Variants in ETS1 observed in about 807,000 individuals in gnomAD.
The protein encoded by ETS1 is ETS proto-oncogene 1, transcription factor, also known as protein C-ets-1.
A neutral mutation model predicts 58.6 loss-of-function variants in ETS1; 15 were observed. The ratio of observed to expected loss-of-function variants is 0.26; its 90% confidence interval spans 0.17 to 0.39. The LOEUF is 0.39. ETS1 is among the 10% of genes least tolerant of loss of function. The probability of loss-of-function intolerance (pLI) is 1.00; values close to 1 mark genes in which losing one functional copy is unlikely to be tolerated. For synonymous variants in ETS1, 214 were observed against 218.2 expected (o/e 0.98, Z 0.17); for missense variants, 417 against 610.5 (o/e 0.68, Z 3.34).
At chr11:128,494,622 A>G (rs1337345617) in intron 3 of ETS1, among the ~76,000 whole-genome samples, 1 of 152,230 alleles carries the variant, frequency 6.6e-6, no homozygotes, top group Non-Finnish European at 1.5e-5. Context: ...TCAGTTTCCA[A>G]GAACCTTCCA....
intron 3 of ETS1, among the ~76,000 whole-genome samples, chr11:128,496,394 G>C (rs1466991328): frequency 2.0e-5 from 3 of 152,036 alleles, no homozygotes; most frequent in African/African-American, 7.2e-5. Context: ...ACTTACAACT[G>C]TAACTAAAGT....
intron 2 of ETS1, among the ~76,000 whole-genome samples, chr11:128,558,210 G>A (rs770121138): frequency 6.6e-6 from 1 of 152,220 alleles, no homozygotes; most frequent in South Asian, 2.1e-4. Context: ...TGCATCGAAG[G>A]CTAACATCCT....
intron 2 of ETS1, among the ~76,000 whole-genome samples, chr11:128,562,491 C>T (rs1473751391): frequency 6.6e-6 from 1 of 152,174 alleles, no homozygotes; most frequent in African/African-American, 2.4e-5. Context: ...GGAAAACACA[C>T]ACCTCTTCTC....
chr11:128,574,711 G>A (rs1864707159), intron 1 of ETS1, among the ~76,000 whole-genome samples: 1 of 152,130 alleles, frequency 6.6e-6, no homozygotes, highest in Non-Finnish European at 1.5e-5. Context: ...TGAGCTCCAT[G>A]GCTCCTTTCC....
intron 3 of ETS1, among the ~76,000 whole-genome samples, chr11:128,500,752 G>GC (rs1863066736): frequency 6.6e-6 from 1 of 152,122 alleles, no homozygotes; most frequent in South Asian, 2.1e-4. Context: ...AATATTGGCA[G>GC]CCACAGGCAC....
At chr11:128,516,802 T>G (rs979367803) in intron 3 of ETS1, among the ~76,000 whole-genome samples, 4 of 152,220 alleles carry the variant, frequency 2.6e-5, no homozygotes, top group Non-Finnish European at 4.4e-5. Flanking sequence ...ATGGCCTCTC[T>G]GCAAGCAGGA....
At chr11:128,555,250 C>T (rs1864294945) in intron 3 of ETS1, among the ~76,000 whole-genome samples, 1 of 152,154 alleles carries the variant, frequency 6.6e-6, no homozygotes, top group African/African-American at 2.4e-5. Flanking sequence ...TCTGTTTATT[C>T]CTGATGAGCA....
At chr11:128,527,294 C>A in intron 3 of ETS1, 1 of 193,560 alleles carries the variant, frequency 5.2e-6, no homozygotes, top group South Asian at 7.5e-5. Flanking sequence ...CATTCAACTG[C>A]ATCTGCAGCC....
Position 128,480,608 on chromosome 11 carries a change from T to C in ETS1, c.863-157A>G, listed in dbSNP as rs570927949. Among the ~76,000 whole-genome samples the C allele has an allele frequency of 9.2e-5, 14 of 151,400 alleles. No homozygotes were observed. In the South Asian group the frequency reaches 3.0e-3, roughly 32 times the overall value. ...CGAGTGGGAACAGAAGCTTCAGGGG[T>C]CATGGGTTTACTCTGAGGAAAGGGG... is the stretch of plus-strand genomic sequence containing the variant. On this transcript the variant is annotated intron_variant, in intron 7 of 9. Transcript: ENST00000392668.
rs116796916 is a variant in ETS1, at chr11:128,501,135, C to T, written c.215-10559G>A. ...CACTTCCGTCCAGGTTTCCAAACTC[C>T]GTGGTTCCTTCAACCATTCATGTTG... is the stretch of plus-strand genomic sequence containing the variant. On this transcript the variant is annotated intron_variant, in intron 3 of 9. Coordinates refer to ENST00000392668, the MANE Select transcript of ETS1 (RefSeq NM_001143820.2). Among the ~76,000 whole-genome samples, 549 of 152,260 alleles carry T rather than the reference C, an allele frequency of 3.6e-3. 2 individuals are homozygous for T. The highest frequency in any genetic ancestry group is 0.012 in the African/African-American group (510 of 41,538).
chr11:128,463,005 T>C lies in ETS1; in HGVS notation c.1243-429A>G, dbSNP rs1861943154. Among the ~76,000 whole-genome samples the C allele has an allele frequency of 6.6e-6, 1 of 152,248 alleles. No individual in the cohort carries two copies. The highest frequency in any genetic ancestry group is 1.5e-5 in the Non-Finnish European group (1 of 68,042). ...CTTTCATCAACAGGAAGTGTTTTTT[T>C]TCCATACCAGGGCACAAATATTTTC... On this transcript the variant is annotated intron_variant, in intron 9 of 9. Transcript: ENST00000392668. This position sits in a 1 kb window ranked among gnomAD's most constrained non-coding sequence, Gnocchi z 4.1.
chr11:128,502,859 C>A (rs1406051869), intron 3 of ETS1, among the ~76,000 whole-genome samples: 1 of 152,202 alleles, frequency 6.6e-6, no homozygotes, highest in Admixed American at 6.5e-5. Context: ...GAGGGAGGCA[C>A]AGGCCGTGAG....
intron 3 of ETS1, among the ~76,000 whole-genome samples, chr11:128,545,570 C>T (rs1309237062): frequency 2.0e-5 from 3 of 152,188 alleles, no homozygotes; most frequent in South Asian, 2.1e-4. Context: ...GTGCAATCCT[C>T]GGCATACAGA....
intron 1 of ETS1, among the ~76,000 whole-genome samples, chr11:128,585,016 GAAA>G (rs1565420956): frequency 7.3e-4 from 15 of 20,674 alleles, no homozygotes; most frequent in African/African-American, 1.7e-3. Flanking sequence ...AGAAAGGAAA[GAAA>G]GAAGAAAGAA....
chr11:128,523,662 C>T (rs1016598025), intron 3 of ETS1, among the ~76,000 whole-genome samples: 1 of 152,178 alleles, frequency 6.6e-6, no homozygotes, highest in Non-Finnish European at 1.5e-5. Context: ...GGGGAGGAAG[C>T]CAGGAACAGA....
At position 128,549,050 on chromosome 11, in the gene ETS1, G is replaced by A. The variant is rs1214669347; in HGVS notation, c.214+7241C>T. ...GACCGGGAGGCTGGGGGAGGGGAGC[G>A]GGCCGCCTCCTCCAGCTGCAGGCTC... On this transcript the variant is annotated intron_variant, in intron 3 of 9. Transcript: ENST00000392668. The surrounding 1 kb of genome is among the most constrained non-coding windows in gnomAD (Gnocchi z 4.3). Among the ~76,000 whole-genome samples, 2 of 152,160 alleles carry A rather than the reference G, an allele frequency of 1.3e-5. No homozygotes were observed. The highest frequency in any genetic ancestry group is 2.9e-5 in the Non-Finnish European group (2 of 68,006).
intron 1 of ETS1, among the ~76,000 whole-genome samples, chr11:128,577,303 G>C (rs991327133): frequency 6.6e-6 from 1 of 152,188 alleles, no homozygotes; most frequent in Admixed American, 6.5e-5. Flanking sequence ...ATTTCTAAGG[G>C]AAAACCGTTT....
intron 2 of ETS1, among the ~76,000 whole-genome samples, chr11:128,569,652 G>T (rs1392653815): frequency 6.6e-6 from 1 of 152,058 alleles, no homozygotes; most frequent in Non-Finnish European, 1.5e-5. Flanking sequence ...AAAGTTAGAG[G>T]TTATGGTTTG....
intron 3 of ETS1, among the ~76,000 whole-genome samples, chr11:128,520,354 G>A (rs911831304): frequency 1.3e-5 from 2 of 152,056 alleles, no homozygotes; most frequent in South Asian, 2.1e-4. Context: ...CTGACATATC[G>A]ACACGATATT....
Sources: allele counts gnomAD v4.1 joint callset (sites outside exome capture counted in the v4.1 genomes callset), GRCh38; gene constraint gnomAD v4.1.1; non-coding constraint Gnocchi (gnomAD v3.1); transcripts MANE v1.5; gene names NCBI Gene and HGNC (gene_info 2026-07-23, HGNC 2026-07-21).